Variants in ZHX2 observed in about 807,000 individuals in gnomAD.
The protein encoded by ZHX2 is zinc fingers and homeoboxes 2, also known as zinc fingers and homeoboxes protein 2.
ZHX2 carries 6 observed loss-of-function variants against 21.9 expected under a neutral mutation model. That is an observed-to-expected ratio of 0.27 (90% CI 0.15 to 0.54). The LOEUF is 0.54. Among genes scored for constraint, ZHX2 ranks in the 20% least tolerant of loss-of-function variants. The probability of loss-of-function intolerance (pLI) is 0.95; values close to 1 mark genes in which losing one functional copy is unlikely to be tolerated. For synonymous variants in ZHX2, 434 were observed against 437.1 expected (o/e 0.99, Z 0.09); for missense variants, 908 against 1,090.7 (o/e 0.83, Z 2.36).
chr8:122,844,087 C>T (rs1214576194), intron 1 of ZHX2, among the ~76,000 whole-genome samples: 1 of 152,160 alleles, frequency 6.6e-6, no homozygotes, highest in Non-Finnish European at 1.5e-5. Context: ...TCTCCTACCA[C>T]GTCTGCCTGT....
intron 2 of ZHX2, among the ~76,000 whole-genome samples, chr8:122,911,549 T>C (rs761381754): frequency 2.6e-5 from 4 of 152,052 alleles, no homozygotes; most frequent in Non-Finnish European, 4.4e-5. Context: ...AGTGGAAGCA[T>C]AAAGGGAAGA....
intron 2 of ZHX2, among the ~76,000 whole-genome samples, chr8:122,904,363 A>C (rs1293488921): frequency 6.6e-6 from 1 of 152,196 alleles, no homozygotes; most frequent in Non-Finnish European, 1.5e-5. Context: ...ACCACGTTAT[A>C]GCAAGCCTCC....
chr8:122,921,660 G>A (rs1563584928), intron 2 of ZHX2, among the ~76,000 whole-genome samples: 1 of 145,606 alleles, frequency 6.9e-6, no homozygotes, highest in South Asian at 2.4e-4. Context: ...GAGAGAGAGA[G>A]AGAGAGAAAG....
chr8:122,793,634 T>A (rs1817564524), intron 1 of ZHX2, among the ~76,000 whole-genome samples: 1 of 152,186 alleles, frequency 6.6e-6, no homozygotes, highest in Non-Finnish European at 1.5e-5. Flanking sequence ...TGATCTGTCA[T>A]AGGAGATTTG....
At chr8:122,806,099 A>G (rs182630324) in intron 1 of ZHX2, among the ~76,000 whole-genome samples, 4 of 152,326 alleles carry the variant, frequency 2.6e-5, no homozygotes, top group Admixed American at 1.3e-4. Flanking sequence ...ACGCACACAC[A>G]TGACTATAAT....
intron 1 of ZHX2, among the ~76,000 whole-genome samples, chr8:122,831,818 A>T (rs559757526): frequency 5.3e-5 from 8 of 152,190 alleles, no homozygotes; most frequent in Admixed American, 2.6e-4. Context: ...TGAGTGCACT[A>T]TGTGGAACAC....
intron 1 of ZHX2, chr8:122,807,849 G>A (rs993306959): frequency 2.6e-5 from 4 of 152,216 alleles, no homozygotes; most frequent in African/African-American, 9.7e-5. Flanking sequence ...GTAAGTGGAA[G>A]ACCCCTAACT....
rs572350272 is a variant in ZHX2, at chr8:122,792,105, T to TACCCATTAGC, written c.-283+10161_-283+10170dup. On this transcript the variant is annotated intron_variant, in intron 1 of 3. Coordinates refer to ENST00000314393, the MANE Select transcript of ZHX2 (RefSeq NM_014943.5). ...TATCACCCCAGAAAGAGATCCTGTG[T>TACCCATTAGC]ACCCATTAGCAGTTACTCTCCATTC... 1.0e-3 allele frequency among the ~76,000 whole-genome samples: 158 copies of TACCCATTAGC among 152,300 alleles called. 1 individual carries two copies. The highest frequency in any genetic ancestry group is 6.8e-3 in the Middle Eastern group (2 of 294).
intron 1 of ZHX2, among the ~76,000 whole-genome samples, chr8:122,859,999 A>G (rs373335088): frequency 2.0e-5 from 3 of 152,214 alleles, no homozygotes; most frequent in East Asian, 1.9e-4. Flanking sequence ...TCACACTGCT[A>G]TAAAGAACTG....
chr8:122,827,029 A>G (rs1818277749), intron 1 of ZHX2, among the ~76,000 whole-genome samples: 1 of 152,058 alleles, frequency 6.6e-6, no homozygotes, highest in African/African-American at 2.4e-5. Flanking sequence ...AGGCATTTTT[A>G]TTTTTATTTT....
intron 1 of ZHX2, among the ~76,000 whole-genome samples, chr8:122,784,613 C>G (rs533915452): frequency 2.0e-5 from 3 of 152,220 alleles, no homozygotes; most frequent in Admixed American, 2.0e-4. Context: ...TATTTAGCAA[C>G]TGTGTGTTGA....
intron 1 of ZHX2, among the ~76,000 whole-genome samples, chr8:122,797,928 G>T (rs10505426): frequency 6.6e-6 from 1 of 152,232 alleles, no homozygotes; most frequent in East Asian, 1.9e-4. Context: ...GTGCCAGGCC[G>T]ATTCTCAGAA....
At position 122,875,132 on chromosome 8, in the gene ZHX2, TATA is replaced by T. The variant is rs1563763629; in HGVS notation, c.-220+11594_-220+11596del. 1.1e-3 allele frequency among the ~76,000 whole-genome samples: 110 copies of T among 96,718 alleles called. 21 individuals are homozygous for T. The highest frequency in any genetic ancestry group is 3.3e-3 in the African/African-American group (80 of 24,202). The allele number at this position is 96,718 out of a possible 152,430, so 63.5% of individuals were successfully genotyped here. A position where few individuals can be genotyped will look rare whatever the true frequency, so the allele number is the denominator to read the frequency against. On this transcript the variant is annotated intron_variant, in intron 2 of 3. Transcript: ENST00000314393. ...TTTTAGAGGAAGGAAAACTCTGTTA[TATA>T]TATATATATATATATATATATATAT...
At chr8:122,792,357 G>T (rs1034810558) in intron 1 of ZHX2, among the ~76,000 whole-genome samples, 13 of 152,274 alleles carry the variant, frequency 8.5e-5, no homozygotes, top group South Asian at 4.1e-4. Flanking sequence ...ACCACATTTT[G>T]TTAGCCATTC....
chr8:122,866,655 T>A (rs914938140), intron 2 of ZHX2, among the ~76,000 whole-genome samples: 2 of 152,056 alleles, frequency 1.3e-5, no homozygotes, highest in African/African-American at 4.8e-5. Flanking sequence ...ACAGATGGCA[T>A]GAGGGGATCA....
intron 3 of ZHX2, among the ~76,000 whole-genome samples, chr8:122,970,989 C>T (rs1332916704): frequency 2.0e-5 from 3 of 152,240 alleles, no homozygotes; most frequent in Non-Finnish European, 4.4e-5. Flanking sequence ...AATCAGGAGG[C>T]TCTGAAGTTG....
chr8:122,880,905 C>G (rs764923054), intron 2 of ZHX2, among the ~76,000 whole-genome samples: 4 of 152,156 alleles, frequency 2.6e-5, no homozygotes, highest in Non-Finnish European at 4.4e-5. Context: ...CGCCCGATCA[C>G]TTTGACAATA....
chr8:122,841,814 A>G (rs920415915), intron 1 of ZHX2, among the ~76,000 whole-genome samples: 7 of 152,128 alleles, frequency 4.6e-5, no homozygotes, highest in Non-Finnish European at 1.0e-4. Flanking sequence ...GTGAGATCAG[A>G]TGTTATCCCC....
At chr8:122,898,838 G>A (rs911656180) in intron 2 of ZHX2, among the ~76,000 whole-genome samples, 2 of 152,248 alleles carry the variant, frequency 1.3e-5, no homozygotes, top group African/African-American at 4.8e-5. Flanking sequence ...CTCTGCTGGA[G>A]AGTGGCGTGC....
Sources: gnomAD v4.1 joint callset for allele counts (sites outside exome capture counted in the v4.1 genomes callset) on GRCh38, gnomAD v4.1.1 for gene constraint, MANE v1.5 for transcripts, NCBI Gene and HGNC (gene_info 2026-07-23, HGNC 2026-07-21) for gene names.